KIF22: variants seen among roughly 807,000 people sequenced by gnomAD.
The protein encoded by KIF22 is kinesin-like protein KIF22.
Under a neutral mutation model 73.0 loss-of-function variants are expected in KIF22, and 62 were observed. The observed-to-expected ratio is 0.85, with a 90% CI of 0.69 to 1.05. The LOEUF is 1.05. Ranked by LOEUF, KIF22 falls within the 50% of genes least tolerant of loss-of-function variation. The pLI, the probability that KIF22 is intolerant of heterozygous loss-of-function variation, is 0.00. For missense variants in KIF22, 854 were observed against 870.1 expected (o/e 0.98, Z 0.23); for synonymous variants, 411 against 340.1 (o/e 1.21, Z -2.29).
chr16:29,791,050 C>T (rs989167409), intron 1 of KIF22: 3 of 1,410,094 alleles, frequency 2.1e-6, no homozygotes, highest in Non-Finnish European at 2.8e-6. Flanking sequence ...TCAGTAGACT[C>T]GGGTCTCCGG....
intron 8 of KIF22, among the ~76,000 whole-genome samples, chr16:29,801,671 T>G (rs1360349438): frequency 6.6e-6 from 1 of 152,114 alleles, no homozygotes; most frequent in Non-Finnish European, 1.5e-5. Flanking sequence ...GGAACATCAG[T>G]ATATGATACC....
At position 29,805,290 on chromosome 16, in the gene KIF22, C is replaced by G. The variant is rs1178431395; in HGVS notation, c.1978C>G (p.Gln660Glu). ...AAACATCCTGGGTCTCGCCGCCGGC[C>G]AGCGCTGTGGCGCCTCCTGACCGTC... is the stretch of plus-strand genomic sequence containing the variant. ...KANILGLAAGQRCGAS is the reference protein window; with the variant it reads ...KANILGLAAGERCGAS The change falls in exon 14 of 14, where the codon CAG (glutamine) becomes GAG (glutamate). Residue 660 changes from glutamine (Q) to glutamate (E), a missense_variant. Physicochemically the swap from Gln to Glu is conservative, Grantham distance 29. Coordinates refer to ENST00000160827, the MANE Select transcript of KIF22 (RefSeq NM_007317.3). 1.2e-6 allele frequency: 2 copies of G among 1,613,800 alleles called. No individual in the cohort carries two copies. The highest frequency in any genetic ancestry group is 1.7e-5 in the Admixed American group (1 of 60,030).
intron 1 of KIF22, among the ~76,000 whole-genome samples, chr16:29,794,881 C>T (rs1898910857): frequency 6.6e-6 from 1 of 152,118 alleles, no homozygotes; most frequent in Non-Finnish European, 1.5e-5. Flanking sequence ...CGGCCAAATT[C>T]TCAAAAAGCC....
In KIF22 at chr16:29,797,135, C is replaced by A; in HGVS notation, c.266+47C>A. On this transcript the variant is annotated intron_variant, in intron 2 of 13. Transcript: ENST00000160827. The surrounding 1 kb of genome is among the most constrained non-coding windows in gnomAD (Gnocchi z 4.1). ...TTCCCTCATGCCATCACCTCCCTCT[C>A]CTAGGCCTGCCCACGTTCCCCTGCC... The A allele has an allele frequency of 7.1e-7, 1 of 1,403,972 alleles. No individual in the cohort carries two copies. The allele number at this position is 1,403,972 out of a possible 1,614,324, so 87.0% of individuals were successfully genotyped here.
At chr16:29,803,428 C>CTGGA in intron 9 of KIF22, 21 bp from the exon 10 acceptor site, 1 of 1,612,586 alleles carries the variant, frequency 6.2e-7, no homozygotes, top group Non-Finnish European at 8.5e-7. Flanking sequence ...TGGATCACAT[C>CTGGA]TCCCTGATCC....
At chr16:29,799,219 C>T (rs1433002006) in intron 5 of KIF22, 35 bp downstream of exon 5, 1 of 1,610,944 alleles carries the variant, frequency 6.2e-7, no homozygotes, top group East Asian at 2.2e-5. Flanking sequence ...ACCTGGGAAG[C>T]CCAGGAGCCT....
At chr16:29,805,200 C>A (rs916460338) in intron 13 of KIF22, 26 bp downstream of exon 13, 1 of 1,614,138 alleles carries the variant, frequency 6.2e-7, no homozygotes, top group Admixed American at 1.7e-5. Context: ...TGCCCCTCCT[C>A]TGCCTGTCCT....
intron 8 of KIF22, among the ~76,000 whole-genome samples, chr16:29,801,152 TCTAAA>T (rs1413159109): frequency 1.3e-5 from 2 of 152,112 alleles, no homozygotes; most frequent in African/African-American, 4.8e-5. Flanking sequence ...AGATAAAGCC[TCTAAA>T]CTAAGTCCTT....
chr16:29,803,953 A>AAGCC (rs751896738), intron 10 of KIF22, 45 bp from the exon 11 acceptor site: 5 of 1,480,010 alleles, frequency 3.4e-6, no homozygotes, highest in Non-Finnish European at 4.7e-6. Context: ...GGGAGGGTGA[A>AAGCC]AAGTACCCTT....
rs1899017006 is a variant in KIF22 at position 29,798,599 on chromosome 16, C to T, written c.401C>T (p.Thr134Met). ...LAYGPTGAGK[T>M]HTMLGSPEQP... ...TTCTCCACTCTCTTCCCAGGGAAGA[C>T]GCACACAATGCTGGGCAGCCCAGAG... Residue 134 changes from threonine (T) to methionine (M), a missense_variant, in exon 4 of 14, where the codon ACG becomes ATG. Physicochemically the swap from Thr to Met is moderately conservative, Grantham distance 81. This residue lies in a region of KIF22 where 245 missense variants were observed against 351.8 expected (regional missense o/e 0.70). Coordinates refer to ENST00000160827, the MANE Select transcript of KIF22 (RefSeq NM_007317.3). The surrounding 1 kb of genome is among the most constrained non-coding windows in gnomAD (Gnocchi z 4.1). 5.0e-6 allele frequency: 8 copies of T among 1,613,836 alleles called. No homozygotes were observed. Among genetic ancestry groups the T allele is most frequent in the Admixed American group, 1.7e-5 (1 of 59,992 alleles).
At chr16:29,796,269 A>AAAG (rs1335040632) in intron 1 of KIF22, among the ~76,000 whole-genome samples, 1 of 1,254 alleles carries the variant, frequency 8.0e-4, no homozygotes, top group East Asian at 0.025. Context: ...AGACTGTCTC[A>AAAG]AAAAAAAAAA....
chr16:29,804,117 A>T, intron 11 of KIF22, 52 bp downstream of exon 11: 3 of 1,436,478 alleles, frequency 2.1e-6, no homozygotes, highest in Non-Finnish European at 2.9e-6. Flanking sequence ...AGTAAGGGGG[A>T]GTAGGCTCTA....
At position 29,802,813 on chromosome 16, in the gene KIF22, GCCT is replaced by G; in HGVS notation, c.1330_1332del (p.Leu444del). 1 of 1,606,616 alleles carries G rather than the reference GCCT, an allele frequency of 6.2e-7. No homozygotes were observed. The highest frequency in any genetic ancestry group is 2.2e-5 in the East Asian group (1 of 44,530). Reference sequence around the variant, plus strand: ...AGCATGGACCCGGCCATGCTGGAGCGCCTCCTCAGCTTGGACCGTCTGCTTGCC... The same window carrying G: ...AGCATGGACCCGGCCATGCTGGAGCGCCTCAGCTTGGACCGTCTGCTTGCC... On this transcript the variant is annotated inframe_deletion, in exon 9 of 14. Coordinates refer to ENST00000160827, the MANE Select transcript of KIF22 (RefSeq NM_007317.3).
intron 1 of KIF22, among the ~76,000 whole-genome samples, chr16:29,795,711 CTTTTTT>C (rs1227908789): frequency 6.6e-6 from 1 of 152,012 alleles, no homozygotes; most frequent in African/African-American, 2.4e-5. Context: ...GAGGGCTTTT[CTTTTTT>C]TAAGTTTTAT....
In KIF22 at chr16:29,799,056, T is replaced by C. The variant is rs1407763807; in HGVS notation, c.631T>C (p.Ser211Pro). The C allele has an allele frequency of 6.2e-7, 1 of 1,614,180 alleles. No individual in the cohort carries two copies. Among genetic ancestry groups the C allele is most frequent in the South Asian group, 1.1e-5 (1 of 91,082 alleles). Reference sequence around the variant, plus strand: ...GGGGAATATCCTGATTCCGGGTCTCTCCCAGAAGCCCATCAGTAGCTTTGC... The same window carrying C: ...GGGGAATATCCTGATTCCGGGTCTCCCCCAGAAGCCCATCAGTAGCTTTGC... ...CRGNILIPGL[S>P]QKPISSFADF... Residue 211 changes from serine (S) to proline (P), a missense_variant, in exon 5 of 14, where the codon TCC (serine) becomes CCC (proline). This residue lies in a region of KIF22 where 245 missense variants were observed against 351.8 expected (regional missense o/e 0.70). Transcript: ENST00000160827.
In KIF22 at chr16:29,799,699, C is replaced by T. The variant is rs1899067104; in HGVS notation, c.1062C>T (p.Asp354=). 2 of 1,613,720 alleles carry T rather than the reference C, an allele frequency of 1.2e-6. No homozygotes were observed. Among genetic ancestry groups the T allele is most frequent in the Admixed American group, 1.7e-5 (1 of 59,940 alleles). Residue 354 remains aspartate, a synonymous_variant, in exon 7 of 14, where the codon GAC becomes GAT. Transcript: ENST00000160827. ...NIAPERRFYL[D]TVSALNFAAR... is the part of the protein sequence containing the mutation. ...CCCCTGAGAGACGCTTCTACCTAGA[C>T]ACAGTCTCCGCACTCAACTTTGCTG...
intron 1 of KIF22, among the ~76,000 whole-genome samples, 172 bp from the exon 2 acceptor site, chr16:29,796,721 T>C (rs1176317136): frequency 1.3e-5 from 2 of 152,154 alleles, no homozygotes; most frequent in East Asian, 1.9e-4. Context: ...CTGCACTTGC[T>C]TGTAGAGCAG....
intron 9 of KIF22, 140 bp downstream of exon 9, chr16:29,803,077 G>C: frequency 2.4e-6 from 2 of 839,264 alleles, no homozygotes; most frequent in Non-Finnish European, 3.8e-6. Flanking sequence ...GCTTCTGCTT[G>C]AATGTCCTTA....
Position 29,803,509 on chromosome 16 carries a change from AAGG to A in KIF22, c.1513_1515del (p.Glu505del), listed in dbSNP as rs1899217193. ...GATGTTGGCCCAGAAGGCTGAGGAA[AAGG>A]AGAACCATTGTCCCACAATGCTCCG... is the stretch of plus-strand genomic sequence containing the variant. On this transcript the variant is annotated inframe_deletion, in exon 10 of 14. Transcript: ENST00000160827. 2 of 1,614,106 alleles carry A rather than the reference AAGG, an allele frequency of 1.2e-6. No homozygotes were observed. The highest frequency in any genetic ancestry group is 2.2e-5 in the South Asian group (2 of 91,078).
Sources: allele counts gnomAD v4.1 joint callset (sites outside exome capture counted in the v4.1 genomes callset), GRCh38; gene constraint gnomAD v4.1.1; regional missense constraint gnomAD v4.1.1; non-coding constraint Gnocchi (gnomAD v3.1); transcripts MANE v1.5; gene names NCBI Gene and HGNC (gene_info 2026-07-23, HGNC 2026-07-21).